The following KAT6A variants were observed in gnomAD, a reference collection of about 807,000 sequenced individuals.
The protein encoded by KAT6A is lysine acetyltransferase 6A, also known as histone acetyltransferase KAT6A.
KAT6A carries 9 observed loss-of-function variants against 198.4 expected under a neutral mutation model. The ratio of observed to expected loss-of-function variants is 0.05; its 90% CI spans 0.03 to 0.08. The LOEUF (loss-of-function observed/expected upper bound fraction) is 0.08, where lower values mean the gene tolerates loss of function less well. KAT6A is among the 10% of genes least tolerant of loss of function. The pLI is 1.00. For missense variants in KAT6A, 2,077 were observed against 2,509.9 expected (o/e 0.83, Z 3.69); for synonymous variants, 890 against 883.0 (o/e 1.01, Z -0.14).
intron 2 of KAT6A, among the ~76,000 whole-genome samples, chr8:42,031,483 T>C (rs774344342): frequency 7.2e-5 from 11 of 152,064 alleles, no homozygotes; most frequent in Non-Finnish European, 1.6e-4. Context: ...AGTTCAAACA[T>C]GATGGTTTCA....
chr8:42,036,704 A>G (rs1587854102), intron 2 of KAT6A, among the ~76,000 whole-genome samples: 1 of 152,310 alleles, frequency 6.6e-6, no homozygotes, highest in East Asian at 1.9e-4. Context: ...AGGCCAAGCA[A>G]TGAGAACAGC....
intron 5 of KAT6A, 137 bp downstream of exon 5, chr8:41,980,709 G>A (rs926503245): frequency 1.5e-5 from 10 of 684,952 alleles, no homozygotes; most frequent in Non-Finnish European, 1.8e-5. Context: ...ACCTTTTAAG[G>A]TGACAGTTCT....
intron 9 of KAT6A, 110 bp downstream of exon 9, chr8:41,955,186 G>A (rs182859193): frequency 1.4e-6 from 1 of 706,342 alleles, no homozygotes; most frequent in East Asian, 2.8e-5. Flanking sequence ...AAAGCCCCCA[G>A]TTTCCTCAAA....
intron 2 of KAT6A, among the ~76,000 whole-genome samples, chr8:41,990,605 TAAGGAA>T (rs1197716914): frequency 6.6e-6 from 1 of 151,936 alleles, no homozygotes; most frequent in Non-Finnish European, 1.5e-5. Flanking sequence ...CCAACAAACA[TAAGGAA>T]AGATGTTCAA....
chr8:41,978,104 A>G (rs1358697485), intron 6 of KAT6A, among the ~76,000 whole-genome samples: 2 of 152,222 alleles, frequency 1.3e-5, no homozygotes, highest in Admixed American at 1.3e-4. Flanking sequence ...GATTTCTGCT[A>G]ATAGATGAAA....
intron 2 of KAT6A, among the ~76,000 whole-genome samples, chr8:42,018,218 T>C (rs917444481): frequency 1.3e-5 from 2 of 152,198 alleles, no homozygotes; most frequent in Non-Finnish European, 2.9e-5. Flanking sequence ...CAGAAAATTG[T>C]TCCTAGTGGC....
intron 8 of KAT6A, among the ~76,000 whole-genome samples, chr8:41,971,282 A>G (rs1215594638): frequency 6.6e-6 from 1 of 152,186 alleles, no homozygotes; most frequent in Non-Finnish European, 1.5e-5. Flanking sequence ...TTCTAGAAAT[A>G]AAAAATTTAA....
Position 41,932,694 on chromosome 8 carries a change from C to T in KAT6A, c.5526G>A (p.Thr1842=), listed in dbSNP as rs146496080. The part of the protein sequence containing the change: ...MSATNIGIPH[T]QRLQGQMPVK... ...CTGGCATTTGCCCTTGCAATCTCTGCGTGTGAGGAATGCCAATGTTGGTGG... is the reference window on the plus strand; with the variant it reads ...CTGGCATTTGCCCTTGCAATCTCTGTGTGTGAGGAATGCCAATGTTGGTGG... The change falls in exon 17 of 17, where the codon ACG becomes ACA. Residue 1842 remains threonine (T), a synonymous_variant. Transcript: ENST00000265713. 1.2e-3 allele frequency: 1,940 copies of T among 1,614,202 alleles called. 1 individual carries two copies. The highest frequency in any genetic ancestry group is 1.5e-3 in the Non-Finnish European group (1,795 of 1,180,038).
In KAT6A at chr8:41,933,466, C is replaced by T. The variant is rs1821673192; in HGVS notation, c.4754G>A (p.Ser1585Asn). ...CGACAGCCCACCGTAGGAGCAGCTG[C>T]TCTGGGAAGAGCTGTTCCCACAGAT... ...GSICGNSSSQ[S>N]SCSYGGLSSS... Residue 1585 changes from serine (S) to asparagine (N), a missense_variant, in exon 17 of 17, where the codon AGC becomes AAC. Ser to Asn is a conservative substitution (Grantham distance 46). This residue lies in a region of KAT6A where 500 missense variants were observed against 577.2 expected (regional missense o/e 0.87). Coordinates refer to ENST00000265713, the MANE Select transcript of KAT6A (RefSeq NM_006766.5). The surrounding 1 kb of genome is among the most constrained non-coding windows in gnomAD (Gnocchi z 6.2). The T allele has an allele frequency of 1.2e-6, 2 of 1,613,186 alleles. No individual in the cohort carries two copies. The highest frequency in any genetic ancestry group is 1.7e-5 in the Admixed American group (1 of 60,004).
rs920532985 is a variant in KAT6A at position 42,026,859 on chromosome 8, G to A, written c.600+21519C>T. On this transcript the variant is annotated intron_variant, in intron 2 of 16. Coordinates refer to ENST00000265713, the MANE Select transcript of KAT6A (RefSeq NM_006766.5). ...CCTTATTCCAATTCTTAGAGAAAAG[G>A]CTTTCAGCTTTTCCCCACTTAGTAT... Among the ~76,000 whole-genome samples, 4 of 152,144 alleles carry A rather than the reference G, an allele frequency of 2.6e-5. No homozygotes were observed. In the South Asian group the frequency reaches 6.2e-4, roughly 24 times the overall value.
intron 14 of KAT6A, chr8:41,942,357 G>C: frequency 4.2e-6 from 1 of 240,864 alleles, no homozygotes; most frequent in African/African-American, 2.2e-5. Context: ...ATATTTCCCT[G>C]GTTGTCCTGA....
chr8:41,933,183 C>A lies in KAT6A; in HGVS notation c.5037G>T (p.Pro1679=). 6.3e-7 allele frequency: 1 copy of A among 1,589,146 alleles called. No individual in the cohort carries two copies. The highest frequency in any genetic ancestry group is 8.5e-7 in the Non-Finnish European group (1 of 1,170,380). Residue 1679 remains proline, a synonymous_variant, in exon 17 of 17, where the codon CCG becomes CCT. Coordinates refer to ENST00000265713, the MANE Select transcript of KAT6A (RefSeq NM_006766.5). The surrounding 1 kb of genome is among the most constrained non-coding windows in gnomAD (Gnocchi z 6.2). ...GGGGCTGAGGCTGCGGCTGCTGTTGCGGCTGCTGCTGGGGTGGTGGAGGCT... is the reference window on the plus strand; with the variant it reads ...GGGGCTGAGGCTGCGGCTGCTGTTGAGGCTGCTGCTGGGGTGGTGGAGGCT... ...APQPPPPQQQ[P]QQQPQPQPQQ...
At chr8:42,020,815 C>T (rs1826492219) in intron 2 of KAT6A, among the ~76,000 whole-genome samples, 1 of 152,116 alleles carries the variant, frequency 6.6e-6, no homozygotes, top group African/African-American at 2.4e-5. Context: ...AGAAGCAGTG[C>T]TATACAACAC....
At chr8:42,012,375 T>C (rs1826063498) in intron 2 of KAT6A, among the ~76,000 whole-genome samples, 1 of 152,222 alleles carries the variant, frequency 6.6e-6, no homozygotes, top group Non-Finnish European at 1.5e-5. Context: ...ACAAGTGTGA[T>C]TAAATTAAGA....
Position 42,007,727 on chromosome 8 carries a change from C to A in KAT6A, c.601-20164G>T, listed in dbSNP as rs1190812453. On this transcript the variant is annotated intron_variant, in intron 2 of 16. Transcript: ENST00000265713. ...CCTGTAATCCCAGGGCTTTGGGAGG[C>A]CAAAGCGGGTGGATCACGAGGTCAG... Among the ~76,000 whole-genome samples, 10 of 152,082 alleles carry A rather than the reference C, an allele frequency of 6.6e-5. No individual in the cohort carries two copies. In the East Asian group the frequency reaches 1.9e-3, roughly 29 times the overall value.
intron 11 of KAT6A, among the ~76,000 whole-genome samples, 159 bp from the exon 12 acceptor site, chr8:41,946,843 G>T (rs1237867106): frequency 6.6e-6 from 1 of 152,084 alleles, no homozygotes; most frequent in Non-Finnish European, 1.5e-5. Context: ...GAGAAGATAG[G>T]ATAATGTCAA....
intron 9 of KAT6A, among the ~76,000 whole-genome samples, chr8:41,949,575 AAATT>A (rs1454154531): frequency 6.6e-6 from 1 of 152,216 alleles, no homozygotes; most frequent in Admixed American, 6.5e-5. Context: ...TGAGATGAAA[AAATT>A]AATTTAGTTG....
At position 41,939,621 on chromosome 8, in the gene KAT6A, C is replaced by A. The variant is rs965928508; in HGVS notation, c.3039+1221G>T. Among the ~76,000 whole-genome samples, 26 of 152,170 alleles carry A rather than the reference C, an allele frequency of 1.7e-4. 1 individual carries two copies. The highest frequency in any genetic ancestry group is 2.9e-5 in the Non-Finnish European group (2 of 68,046). On this transcript the variant is annotated intron_variant, in intron 15 of 16. Coordinates refer to ENST00000265713, the MANE Select transcript of KAT6A (RefSeq NM_006766.5). ...CACTTTACCTCTATGGTCTTCCTCT[C>A]AAGAATATATTACCCCATTCTAATA... is the stretch of plus-strand genomic sequence containing the variant.
chr8:41,937,189 T>G (rs78804144), intron 16 of KAT6A, 67 bp downstream of exon 16: 14,185 of 1,243,240 alleles, frequency 0.011, 117 homozygotes, highest in Non-Finnish European at 0.013. Flanking sequence ...TACTGAAGGG[T>G]CTGTCACTGC....
Sources: allele counts gnomAD v4.1 joint callset (sites outside exome capture counted in the v4.1 genomes callset), GRCh38; gene constraint gnomAD v4.1.1; regional missense constraint gnomAD v4.1.1; non-coding constraint Gnocchi (gnomAD v3.1); transcripts MANE v1.5; gene names NCBI Gene and HGNC (gene_info 2026-07-23, HGNC 2026-07-21).